The following ERBB2 variants were observed in gnomAD, a reference collection of about 807,000 sequenced individuals.
ERBB2 encodes erb-b2 receptor tyrosine kinase 2.
Under a neutral mutation model 149.0 loss-of-function variants are expected in ERBB2, and 61 were observed. That is an observed-to-expected ratio of 0.41 (90% confidence interval 0.33 to 0.51). The LOEUF (loss-of-function observed/expected upper bound fraction) is 0.51, where lower values mean the gene tolerates loss of function less well. ERBB2 is among the 20% of genes least tolerant of loss of function. ERBB2 has a pLI of 0.25. For missense variants in ERBB2, 1,205 were observed against 1,655.1 expected, an observed-to-expected ratio of 0.73 and a Z score of 4.72; for synonymous variants, 633 against 678.8, an observed-to-expected ratio of 0.93 and a Z score of 1.05.
chr17:39,725,753 T>G lies in ERBB2; in HGVS notation c.2772T>G (p.Asp924Glu), dbSNP rs1455756168. 6.2e-7 allele frequency: 1 copy of G among 1,613,560 alleles called. No individual in the cohort carries two copies. Among genetic ancestry groups the G allele is most frequent in the Non-Finnish European group, 8.5e-7 (1 of 1,179,878 alleles). ...TGACTTTTGGGGCCAAACCTTACGA[T>G]GGGATCCCAGCCCGGGAGATCCCTG... is the stretch of plus-strand genomic sequence containing the variant. ...ELMTFGAKPY[D>E]GIPAREIPDL... The change falls in exon 23 of 27, where the codon GAT becomes GAG. Residue 924 changes from aspartate (D) to glutamate (E), a missense_variant. Asp to Glu is a conservative substitution (Grantham distance 45, BLOSUM62 2). This residue lies in a region of ERBB2 where 152 missense variants were observed against 318.1 expected (regional missense o/e 0.48). Transcript: ENST00000269571. The surrounding 1 kb of genome is among the most constrained non-coding windows in gnomAD (Gnocchi z 4.6).
intron 9 of ERBB2, chr17:39,713,058 A>G (rs2058904594): frequency 6.5e-6 from 1 of 153,334 alleles, no homozygotes; most frequent in Non-Finnish European, 1.5e-5. Flanking sequence ...TGATTGGGGT[A>G]GTGGATACAT....
intron 16 of ERBB2, chr17:39,720,039 G>T: frequency 5.2e-6 from 3 of 582,434 alleles, no homozygotes; most frequent in Non-Finnish European, 9.3e-6. Context: ...AAGGAAAGAT[G>T]GCTAGGAAAC....
At chr17:39,715,416 C>T (rs1183103519) in intron 10 of ERBB2, 30 bp from the exon 11 acceptor site, 2 of 1,613,466 alleles carry the variant, frequency 1.2e-6, no homozygotes, top group East Asian at 2.2e-5. Context: ...GTCCTGTCCC[C>T]ACTCCTTTAA....
chr17:39,693,620 T>C (rs1477925440), upstream of ERBB2, among the ~76,000 whole-genome samples: 1 of 152,040 alleles, frequency 6.6e-6, no homozygotes, highest in African/African-American at 2.4e-5. Context: ...TAGCCAGGCA[T>C]GGTGGTGCGC....
At chr17:39,714,580 G>A (rs1245761342) in intron 9 of ERBB2, among the ~76,000 whole-genome samples, 1 of 152,100 alleles carries the variant, frequency 6.6e-6, no homozygotes, top group Non-Finnish European at 1.5e-5. Flanking sequence ...CAGATACTAG[G>A]TGCTCCTAAA....
chr17:39,713,758 GAAAA>G (rs774902171), intron 9 of ERBB2, among the ~76,000 whole-genome samples: 1 of 88,888 alleles, frequency 1.1e-5, no homozygotes, highest in Non-Finnish European at 2.6e-5. Context: ...GTCTCAAAAA[GAAAA>G]AAAAAAAAAA....
chr17:39,705,528 A>G (rs534771531), intron 1 of ERBB2, among the ~76,000 whole-genome samples: 60 of 152,252 alleles, frequency 3.9e-4, no homozygotes, highest in African/African-American at 1.4e-3. Context: ...CCTCAGGGAC[A>G]TGGACCCTTG....
In ERBB2 at chr17:39,710,498, AAC is replaced by A. The variant is rs1267823789; in HGVS notation, c.901+21_901+22del. On this transcript the variant is annotated intron_variant, in intron 7 of 26. Coordinates refer to ENST00000269571, the MANE Select transcript of ERBB2 (RefSeq NM_004448.4). ...CCTGTCCCTGTGAGTGCCAGGGAGAAACACAGTTTTCTCATTTTGGTGGGGAG... is the reference window on the plus strand; with the variant it reads ...CCTGTCCCTGTGAGTGCCAGGGAGAAACAGTTTTCTCATTTTGGTGGGGAG... 1.9e-6 allele frequency: 3 copies of A among 1,613,698 alleles called. No individual in the cohort carries two copies. Among genetic ancestry groups the A allele is most frequent in the Admixed American group, 1.7e-5 (1 of 60,026 alleles).
chr17:39,724,764 C>G lies in ERBB2; in HGVS notation c.2346C>G (p.Val782=), dbSNP rs1567913003. The change falls in exon 20 of 27, where the codon GTC becomes GTG. Residue 782 remains valine, a synonymous_variant. Transcript: ENST00000269571. ...TGGCTGGTGTGGGCTCCCCATATGT[C>G]TCCCGCCTTCTGGGCATCTGCCTGA... ...YVMAGVGSPY[V]SRLLGICLTS... is the part of the protein sequence containing the mutation. 1 of 1,614,212 alleles carries G rather than the reference C, an allele frequency of 6.2e-7. No homozygotes were observed. Among genetic ancestry groups the G allele is most frequent in the Non-Finnish European group, 8.5e-7 (1 of 1,180,048 alleles).
At chr17:39,714,460 G>T (rs2059000030) in intron 9 of ERBB2, among the ~76,000 whole-genome samples, 1 of 152,140 alleles carries the variant, frequency 6.6e-6, no homozygotes, top group South Asian at 2.1e-4. Context: ...CTGTAAAGTG[G>T]GGGCAAGAAC....
intron 1 of ERBB2, among the ~76,000 whole-genome samples, chr17:39,704,346 C>T (rs907087265): frequency 1.3e-5 from 2 of 152,070 alleles, no homozygotes; most frequent in African/African-American, 2.4e-5. Context: ...GAGGCCGAGA[C>T]GGGCGGATCA....
rs2059210389 is a variant in ERBB2, at chr17:39,717,605, A to T, written c.1898+125A>T. ...TCTTGTTTCTGATGACAAAAATAAC[A>T]CATTGTTAAAATTGTAAAATTAAAA... On this transcript the variant is annotated intron_variant, in intron 15 of 26. Coordinates refer to ENST00000269571, the MANE Select transcript of ERBB2 (RefSeq NM_004448.4). The T allele has an allele frequency of 5.3e-6, 4 of 759,888 alleles. No homozygotes were observed. In the Admixed American group the frequency reaches 1.2e-4, roughly 24 times the overall value. 47.1% of individuals were successfully genotyped at this position (759,888 alleles called of 1,614,324 possible). A position where few individuals can be genotyped will look rare whatever the true frequency, so the allele number is the denominator to read the frequency against.
chr17:39,692,555 G>A (rs529653937), upstream of ERBB2, among the ~76,000 whole-genome samples: 16 of 151,838 alleles, frequency 1.1e-4, no homozygotes, highest in Admixed American at 9.8e-4. Flanking sequence ...ATAGGCATGC[G>A]CCTCCACGCC....
At chr17:39,688,551 G>C (rs970090252) in intron 1 of ERBB2, 1 of 152,132 alleles carries the variant, frequency 6.6e-6, no homozygotes, top group African/African-American at 2.4e-5. Context: ...GTAAAATACA[G>C]TCTCCACAAA....
chr17:39,711,690 T>C (rs1339996172), intron 7 of ERBB2, among the ~76,000 whole-genome samples: 1 of 152,236 alleles, frequency 6.6e-6, no homozygotes, highest in Non-Finnish European at 1.5e-5. Flanking sequence ...ACTAGCACAA[T>C]GACCTTGAAT....
rs182061557 is a variant in ERBB2 at position 39,702,335 on chromosome 17, C to G, written c.73+2024C>G. Among the ~76,000 whole-genome samples the G allele has an allele frequency of 4.6e-3, 695 of 152,248 alleles. 2 individuals are homozygous for G. The highest frequency in any genetic ancestry group is 0.016 in the African/African-American group (658 of 41,528). On this transcript the variant is annotated intron_variant, in intron 1 of 26. Coordinates refer to ENST00000269571, the MANE Select transcript of ERBB2 (RefSeq NM_004448.4). ...ATACCACCCAGCTGCCTCCAGCACCCAGATTTTACCCAAGGGGTGAGGTCT... is the reference window on the plus strand; with the variant it reads ...ATACCACCCAGCTGCCTCCAGCACCGAGATTTTACCCAAGGGGTGAGGTCT...
chr17:39,709,500 C>G (rs368513411), intron 4 of ERBB2, 48 bp downstream of exon 4: 2 of 1,608,258 alleles, frequency 1.2e-6, no homozygotes, highest in African/African-American at 1.3e-5. Context: ...CAGCCTGACC[C>G]CAGCCGCAAA....
chr17:39,712,568 G>T, intron 9 of ERBB2, 120 bp downstream of exon 9: 1 of 1,233,568 alleles, frequency 8.1e-7, no homozygotes, highest in South Asian at 1.4e-5. Context: ...AGAATGCAAA[G>T]AAAGCAGATG....
At position 39,709,440 on chromosome 17, in the gene ERBB2, C is replaced by A. The variant is rs765706190; in HGVS notation, c.562C>A (p.Arg188Ser). Residue 188 changes from arginine (R) to serine (S), a missense_variant, in exon 4 of 27, where the codon CGC (arginine) becomes AGC (serine). By Grantham distance (110) the Arg-to-Ser change is moderately radical. Transcript: ENST00000269571. ...QLALTLIDTNRSRACHPCSPM... is the reference protein window; with the variant it reads ...QLALTLIDTNSSRACHPCSPM... ...GGCTCTCACACTGATAGACACCAAC[C>A]GCTCTCGGGCCTGTAAGCCATGCCC... 6.2e-7 allele frequency: 1 copy of A among 1,614,164 alleles called. No individual in the cohort carries two copies. The highest frequency in any genetic ancestry group is 1.1e-5 in the South Asian group (1 of 91,080).
Sources: allele counts gnomAD v4.1 joint callset (sites outside exome capture counted in the v4.1 genomes callset), GRCh38; gene constraint gnomAD v4.1.1; regional missense constraint gnomAD v4.1.1; non-coding constraint Gnocchi (gnomAD v3.1); transcripts MANE v1.5; gene names NCBI Gene and HGNC (gene_info 2026-07-23, HGNC 2026-07-21).